ACBD6: variants seen among roughly 807,000 people sequenced by gnomAD.
ACBD6 encodes acyl-CoA binding domain containing 6.
In ACBD6, 28 loss-of-function variants were observed where a neutral mutation model predicts 37.2. That is an observed-to-expected ratio of 0.75 (90% CI 0.56 to 1.03). ACBD6 has a LOEUF of 1.03. Ranked by LOEUF, ACBD6 falls within the 50% of genes least tolerant of loss-of-function variation. ACBD6 has a pLI of 0.00. For synonymous variants in ACBD6, 113 were observed against 126.8 expected (o/e 0.89, Z 0.73); for missense variants, 340 against 337.4 (o/e 1.01, Z -0.06).
At chr1:180,498,133 A>G (rs1488804063) in intron 1 of ACBD6, among the ~76,000 whole-genome samples, 2 of 152,248 alleles carry the variant, frequency 1.3e-5, no homozygotes, top group Non-Finnish European at 2.9e-5. Flanking sequence ...ATTTCATGAT[A>G]TAACAGCAAA....
At chr1:180,417,480 G>C (rs940659849) in intron 4 of ACBD6, among the ~76,000 whole-genome samples, 1 of 152,146 alleles carries the variant, frequency 6.6e-6, no homozygotes, top group African/African-American at 2.4e-5. Context: ...TCCTCAAAAT[G>C]ATACACTTTC....
chr1:180,302,177 G>C (rs1349739555), intron 7 of ACBD6, among the ~76,000 whole-genome samples: 2 of 148,328 alleles, frequency 1.3e-5, no homozygotes, highest in Non-Finnish European at 3.0e-5. Context: ...CTAGAACTTA[G>C]AGTATAATTA....
chr1:180,496,750 T>C (rs983325582), intron 1 of ACBD6, among the ~76,000 whole-genome samples: 1 of 152,110 alleles, frequency 6.6e-6, no homozygotes, highest in African/African-American at 2.4e-5. Context: ...TATACTTACA[T>C]AGAAGCAGCC....
intron 6 of ACBD6, among the ~76,000 whole-genome samples, chr1:180,368,568 G>A (rs1417346724): frequency 6.6e-6 from 1 of 152,000 alleles, no homozygotes; most frequent in Non-Finnish European, 1.5e-5. Context: ...GTGTAAGGAA[G>A]GGGTCCAACT....
intron 5 of ACBD6, among the ~76,000 whole-genome samples, chr1:180,408,374 A>T (rs1255572279): frequency 1.3e-5 from 2 of 152,254 alleles, no homozygotes; most frequent in Admixed American, 1.3e-4. Context: ...TTGTAGGGAC[A>T]TGGATGAAAT....
intron 6 of ACBD6, among the ~76,000 whole-genome samples, chr1:180,370,822 C>G (rs143358457): frequency 1.3e-5 from 2 of 151,982 alleles, no homozygotes; most frequent in East Asian, 3.9e-4. Flanking sequence ...AAAAACTCCA[C>G]CTATGTTCTC....
intron 5 of ACBD6, among the ~76,000 whole-genome samples, chr1:180,400,703 A>C (rs1304098963): frequency 1.3e-5 from 2 of 152,204 alleles, no homozygotes; most frequent in Non-Finnish European, 2.9e-5. Flanking sequence ...TAAGATTATT[A>C]TTCACTCACT....
chr1:180,420,377 C>T (rs927063245), intron 4 of ACBD6, among the ~76,000 whole-genome samples: 12 of 152,220 alleles, frequency 7.9e-5, no homozygotes, highest in African/African-American at 2.9e-4. Context: ...TGACGGTTTT[C>T]ACCGCCGTTT....
At chr1:180,276,970 T>C (rs1193157968) in intron 9 of ACBD6, 2 of 152,158 alleles carry the variant, frequency 1.3e-5, no homozygotes, top group African/African-American at 2.4e-5. Flanking sequence ...ACTAATAATA[T>C]AATAAATCTC....
intron 3 of ACBD6, among the ~76,000 whole-genome samples, chr1:180,438,963 G>C (rs1215521552): frequency 6.6e-6 from 1 of 152,008 alleles, no homozygotes; most frequent in Non-Finnish European, 1.5e-5. Context: ...GGCAACTAGT[G>C]ATCTTTTCAC....
At chr1:180,497,273 C>T (rs1294862828) in intron 1 of ACBD6, among the ~76,000 whole-genome samples, 1 of 152,186 alleles carries the variant, frequency 6.6e-6, no homozygotes, top group African/African-American at 2.4e-5. Context: ...GATCATCCGG[C>T]TAAACATTAT....
Position 180,353,785 on chromosome 1 carries a change from C to CAAAAAAAAAAAAAAAAAA in ACBD6, c.664-39081_664-39064dup, listed in dbSNP as rs56286672. 1.0e-4 allele frequency among the ~76,000 whole-genome samples: 2 copies of CAAAAAAAAAAAAAAAAAA among 19,754 alleles called. 1 individual carries two copies. Among genetic ancestry groups the CAAAAAAAAAAAAAAAAAA allele is most frequent in the Non-Finnish European group, 1.7e-4 (2 of 11,650 alleles). 13.0% of individuals were successfully genotyped at this position (19,754 alleles called of 152,430 possible). ...AATGACATAAAACAGTTAACAACCA[C>CAAAAAAAAAAAAAAAAAA]AAAAAAAAAAAAAAAAAAAAGCCCA... On this transcript the variant is annotated intron_variant, in intron 6 of 7. Coordinates refer to ENST00000367595, the MANE Select transcript of ACBD6 (RefSeq NM_032360.4).
intron 6 of ACBD6, among the ~76,000 whole-genome samples, chr1:180,362,123 C>A (rs905421703): frequency 3.3e-5 from 5 of 152,130 alleles, no homozygotes; most frequent in African/African-American, 1.2e-4. Context: ...CATTCCCTAG[C>A]TCCCCACACC....
chr1:180,469,366 A>C (rs1650470350), intron 3 of ACBD6, among the ~76,000 whole-genome samples: 2 of 152,244 alleles, frequency 1.3e-5, no homozygotes, highest in Admixed American at 1.3e-4. Context: ...TGTGTCAAAT[A>C]ACTAGAAGTC....
downstream of ACBD6, among the ~76,000 whole-genome samples, chr1:180,283,787 C>A (rs918875235): frequency 2.0e-5 from 3 of 152,080 alleles, no homozygotes; most frequent in African/African-American, 7.2e-5. Flanking sequence ...AACCAAAATC[C>A]TAAATGCTCC....
At chr1:180,409,422 C>A (rs894729560) in intron 5 of ACBD6, among the ~76,000 whole-genome samples, 2 of 152,164 alleles carry the variant, frequency 1.3e-5, no homozygotes, top group African/African-American at 4.8e-5. Flanking sequence ...TTTGCAAATA[C>A]TGTGTTTTTT....
rs928077950 is a variant in ACBD6 at position 180,303,591 on chromosome 1, A to C, written c.694+11101T>G. On this transcript the variant is annotated intron_variant, in intron 7 of 7. Transcript: ENST00000367595. ...AATCTCTGAAGAGATCAATAATAGG[A>C]TCTGAAATTGAGGCAAAAATTAATA... is the stretch of plus-strand genomic sequence containing the variant. 4.0e-5 allele frequency among the ~76,000 whole-genome samples: 6 copies of C among 150,800 alleles called. No individual in the cohort carries two copies. In the South Asian group the frequency reaches 6.3e-4, roughly 16 times the overall value.
rs1571338298 is a variant in ACBD6, at chr1:180,304,627, TTC to T, written c.694+10063_694+10064del. On this transcript the variant is annotated intron_variant, in intron 7 of 7. Transcript: ENST00000367595. ...GAGGATACAAACAAATGGAAGAACA[TTC>T]CATGCTCATGGTAGGAAGAATCAAT... Among the ~76,000 whole-genome samples, 9 of 150,924 alleles carry T rather than the reference TTC, an allele frequency of 6.0e-5. 1 individual carries two copies. In the East Asian group the frequency reaches 1.7e-3, roughly 29 times the overall value.
At chr1:180,325,683 G>C (rs1382988374) in intron 6 of ACBD6, among the ~76,000 whole-genome samples, 3 of 152,220 alleles carry the variant, frequency 2.0e-5, no homozygotes, top group East Asian at 3.9e-4. Flanking sequence ...TCGCAATTTG[G>C]GCACGTTTGT....
Sources: allele counts gnomAD v4.1 joint callset (sites outside exome capture counted in the v4.1 genomes callset), GRCh38; gene constraint gnomAD v4.1.1; transcripts MANE v1.5; gene names NCBI Gene and HGNC (gene_info 2026-07-23, HGNC 2026-07-21).